KCNMA1: variants seen among roughly 807,000 people sequenced by gnomAD.
KCNMA1 encodes the protein potassium calcium-activated channel subfamily M alpha 1, also known as Calcium-activated potassium channel subunit alpha-1.
In KCNMA1, 29 loss-of-function variants were observed where a neutral mutation model predicts 140.0. The observed-to-expected ratio is 0.21, with a 90% CI of 0.15 to 0.28. The LOEUF (loss-of-function observed/expected upper bound fraction) is 0.28, where lower values mean the gene tolerates loss of function less well. KCNMA1 is among the 10% of genes least tolerant of loss of function. The pLI, the probability that KCNMA1 is intolerant of heterozygous loss-of-function variation, is 1.00. For missense variants in KCNMA1, 880 were observed against 1,602.2 expected (o/e 0.55, Z 7.70); for synonymous variants, 612 against 611.9 (o/e 1.00, Z 0.00).
At chr10:77,105,636 G>C (rs1217177897) in intron 9 of KCNMA1, among the ~76,000 whole-genome samples, 1 of 152,170 alleles carries the variant, frequency 6.6e-6, no homozygotes, top group Non-Finnish European at 1.5e-5. Context: ...GTGTGTCCAT[G>C]GGCAGAGCAC....
At chr10:77,217,325 C>CA (rs958985320) in intron 3 of KCNMA1, among the ~76,000 whole-genome samples, 10 of 150,216 alleles carry the variant, frequency 6.7e-5, no homozygotes, top group Middle Eastern at 3.4e-3. Flanking sequence ...AACAAACAAA[C>CA]AAAAAAAAAC....
chr10:77,324,584 T>C (rs929037668), intron 2 of KCNMA1, among the ~76,000 whole-genome samples: 17 of 151,586 alleles, frequency 1.1e-4, no homozygotes, highest in Non-Finnish European at 2.2e-4. Context: ...GATTTTTTTC[T>C]TCTGTATAGA....
At chr10:77,354,000 G>T (rs1432124837) in intron 2 of KCNMA1, among the ~76,000 whole-genome samples, 1 of 141,988 alleles carries the variant, frequency 7.0e-6, no homozygotes, top group African/African-American at 2.7e-5. Context: ...GTGGAGGGGT[G>T]GGGATGGAGT....
chr10:77,198,545 A>G (rs997378816), intron 3 of KCNMA1, among the ~76,000 whole-genome samples: 1 of 141,220 alleles, frequency 7.1e-6, no homozygotes, highest in Non-Finnish European at 1.5e-5. Context: ...AAATCAATTC[A>G]TCAGCAAAAA....
chr10:77,421,131 C>T (rs2096858121), intron 1 of KCNMA1, among the ~76,000 whole-genome samples: 1 of 152,260 alleles, frequency 6.6e-6, no homozygotes, highest in Non-Finnish European at 1.5e-5. Context: ...CCTTAATCCA[C>T]AGCAATACTG....
chr10:77,112,337 G>C (rs779491569), intron 7 of KCNMA1, 30 bp downstream of exon 7: 2 of 1,539,596 alleles, frequency 1.3e-6, no homozygotes, highest in African/African-American at 2.7e-5. Context: ...GCAGGCAAGC[G>C]AGAGCAGAAG....
At chr10:76,953,052 C>T (rs927426060) in intron 21 of KCNMA1, among the ~76,000 whole-genome samples, 6 of 152,202 alleles carry the variant, frequency 3.9e-5, no homozygotes, top group Admixed American at 1.3e-4. Flanking sequence ...GTTACCTATG[C>T]TGACATTCCT....
chr10:76,970,155 G>T, intron 19 of KCNMA1, 88 bp from the exon 20 acceptor site: 2 of 1,006,846 alleles, frequency 2.0e-6, no homozygotes, highest in Non-Finnish European at 3.1e-6. Context: ...ACACACTCAA[G>T]GCTCAGTCAC....
chr10:77,116,030 T>C (rs932050355), intron 6 of KCNMA1, among the ~76,000 whole-genome samples: 13 of 152,202 alleles, frequency 8.5e-5, no homozygotes, highest in African/African-American at 2.2e-4. Flanking sequence ...AAAGGTTATA[T>C]ATCTCTGTGT....
chr10:76,981,606 G>A (rs1425897610), intron 19 of KCNMA1, among the ~76,000 whole-genome samples: 2 of 152,122 alleles, frequency 1.3e-5, no homozygotes, highest in Non-Finnish European at 2.9e-5. Flanking sequence ...GAGAGGCAGT[G>A]ACTCCTTCAC....
chr10:77,442,525 T>C (rs1185913856), intron 1 of KCNMA1, among the ~76,000 whole-genome samples: 2 of 152,176 alleles, frequency 1.3e-5, no homozygotes, highest in African/African-American at 2.4e-5. Context: ...TGTAAGATCA[T>C]GGGCAAGAGG....
intron 14 of KCNMA1, among the ~76,000 whole-genome samples, chr10:77,072,184 AAGATGTAAGCCC>A (rs2096239740): frequency 6.6e-6 from 1 of 152,248 alleles, no homozygotes; most frequent in Admixed American, 6.5e-5. Context: ...AGTAAGAGGC[AAGATGTAAGCCC>A]AGATCCAGAG....
At chr10:77,060,483 T>G (rs1249034135) in intron 14 of KCNMA1, among the ~76,000 whole-genome samples, 1 of 152,094 alleles carries the variant, frequency 6.6e-6, no homozygotes, top group Non-Finnish European at 1.5e-5. Flanking sequence ...GGGTGCAGAG[T>G]ACTTGTTTTC....
At chr10:77,587,785 G>A in intron 1 of KCNMA1, 1 of 985,264 alleles carries the variant, frequency 1.0e-6, no homozygotes, top group Non-Finnish European at 1.2e-6. Context: ...AACACTTACT[G>A]AGCGCCTATC....
At chr10:76,916,735 T>A (rs143607057) in intron 23 of KCNMA1, among the ~76,000 whole-genome samples, 23 of 152,338 alleles carry the variant, frequency 1.5e-4, no homozygotes, top group Non-Finnish European at 2.9e-4. Flanking sequence ...AAGATTGTGT[T>A]GAGTCTGGCA....
At chr10:77,203,509 C>T (rs2043088385) in intron 3 of KCNMA1, among the ~76,000 whole-genome samples, 1 of 152,060 alleles carries the variant, frequency 6.6e-6, no homozygotes, top group South Asian at 2.1e-4. Context: ...TGTTGTGGCG[C>T]TCATCACTCA....
intron 15 of KCNMA1, 137 bp downstream of exon 15, chr10:77,039,391 A>G (rs894240779): frequency 1.3e-5 from 9 of 706,864 alleles, no homozygotes; most frequent in Non-Finnish European, 2.3e-5. Flanking sequence ...TATTCATCAC[A>G]TGGGGCCGAG....
At chr10:77,439,783 G>A (rs1156688952) in intron 1 of KCNMA1, among the ~76,000 whole-genome samples, 1 of 152,170 alleles carries the variant, frequency 6.6e-6, no homozygotes, top group East Asian at 1.9e-4. Flanking sequence ...TTCGTGGGAT[G>A]GGAGGGTTGT....
intron 15 of KCNMA1, 136 bp downstream of exon 15, chr10:77,039,392 T>G (rs893861666): frequency 5.7e-6 from 4 of 707,494 alleles, no homozygotes; most frequent in Non-Finnish European, 7.8e-6. Context: ...ATTCATCACA[T>G]GGGGCCGAGC....
Sources: allele counts gnomAD v4.1 joint callset (sites outside exome capture counted in the v4.1 genomes callset), GRCh38; gene constraint gnomAD v4.1.1; transcripts MANE v1.5; gene names NCBI Gene and HGNC (gene_info 2026-07-23, HGNC 2026-07-21).